Variants in CDCP1 observed in about 807,000 individuals in gnomAD.
CDCP1 encodes CUB domain containing protein 1.
Under a neutral mutation model 60.2 loss-of-function variants are expected in CDCP1, and 29 were observed. The observed-to-expected ratio is 0.48, with a 90% confidence interval of 0.36 to 0.66. The LOEUF (loss-of-function observed/expected upper bound fraction) is 0.66. CDCP1 is among the 30% of genes least tolerant of loss of function. The pLI is 0.00. For missense variants in CDCP1, 876 were observed against 1,074.3 expected (o/e 0.82, Z 2.58); for synonymous variants, 387 against 431.1 (o/e 0.90, Z 1.27).
Position 45,146,225 on chromosome 3 carries a change from C to G in CDCP1, c.63G>C (p.Ala21=), listed in dbSNP as rs111913296. 1 of 1,596,500 alleles carries G rather than the reference C, an allele frequency of 6.3e-7. No individual in the cohort carries two copies. The highest frequency in any genetic ancestry group is 8.5e-7 in the Non-Finnish European group (1 of 1,173,762). Residue 21 remains alanine (A), a synonymous_variant, in exon 1 of 9, where the codon GCG becomes GCC. Coordinates refer to ENST00000296129, the MANE Select transcript of CDCP1 (RefSeq NM_022842.5). ...ACTCACCTGCCCCGCGCGGCAGGCG[C>G]GCCGCACCCAGCAGCAGAACCCCTA... ...ALLGVLLLGA[A]RLPRGAEAFE...
chr3:45,095,602 T>A, intron 4 of CDCP1, 34 bp from the exon 5 acceptor site: 1 of 1,595,820 alleles, frequency 6.3e-7, no homozygotes, highest in South Asian at 1.1e-5. Context: ...GCATGAAGCA[T>A]GGATCAGCAG....
In CDCP1 at chr3:45,091,478, T is replaced by A; in HGVS notation, c.1688A>T (p.Asn563Ile). The A allele has an allele frequency of 6.2e-7, 1 of 1,610,040 alleles. No homozygotes were observed. Among genetic ancestry groups the A allele is most frequent in the Non-Finnish European group, 8.5e-7 (1 of 1,177,978 alleles). Reference protein sequence around the residue: ...TKSKVYLRTPNWDRGLPSLTS... With the variant: ...TKSKVYLRTPIWDRGLPSLTS... ...GAGGGATGGCAGGCCCCGGTCCCAG[T>A]TGGGGGTCCTCAGGTAGACCTTGCT... Residue 563 changes from asparagine to isoleucine, a missense_variant, in exon 7 of 9, where the codon AAC (asparagine) becomes ATC (isoleucine). By Grantham distance (149) the Asn-to-Ile change is moderately radical. Transcript: ENST00000296129. The surrounding 1 kb of genome is among the most constrained non-coding windows in gnomAD (Gnocchi z 4.8).
chr3:45,108,951 A>ATTTTT (rs1232293607), intron 4 of CDCP1, among the ~76,000 whole-genome samples: 1 of 25,080 alleles, frequency 4.0e-5, no homozygotes, highest in Non-Finnish European at 8.4e-5. Flanking sequence ...ATATATATAT[A>ATTTTT]TATTTTTTTT....
chr3:45,144,743 G>A (rs1029331754), intron 1 of CDCP1, among the ~76,000 whole-genome samples: 1 of 152,174 alleles, frequency 6.6e-6, no homozygotes, highest in African/African-American at 2.4e-5. Flanking sequence ...TGGTAGGCAC[G>A]CATTTTTCTC....
At chr3:45,105,553 T>C (rs548445007) in intron 4 of CDCP1, among the ~76,000 whole-genome samples, 1 of 152,236 alleles carries the variant, frequency 6.6e-6, no homozygotes, top group African/African-American at 2.4e-5. Context: ...CCATGGGTTT[T>C]GAAGATAATA....
intron 1 of CDCP1, among the ~76,000 whole-genome samples, chr3:45,143,911 C>T (rs1358728508): frequency 2.0e-5 from 3 of 152,120 alleles, no homozygotes; most frequent in Admixed American, 2.0e-4. Flanking sequence ...TCATTTGAAT[C>T]GGAAACAGAA....
Position 45,095,404 on chromosome 3 carries a change from T to C in CDCP1, c.1189A>G (p.Ile397Val). 7 of 1,614,016 alleles carry C rather than the reference T, an allele frequency of 4.3e-6. No individual in the cohort carries two copies. Among genetic ancestry groups the C allele is most frequent in the Non-Finnish European group, 5.9e-6 (7 of 1,180,000 alleles). ...GTCAGATCATCACAAAGGAAGGAGATTTTGTGTTTGGAGCCAGATGTCAGG... is the reference window on the plus strand; with the variant it reads ...GTCAGATCATCACAAAGGAAGGAGACTTTGTGTTTGGAGCCAGATGTCAGG... ...LTLTSGSKHK[I>V]SFLCDDLTRL... is the part of the protein sequence containing the mutation. Residue 397 changes from isoleucine (I) to valine (V), a missense_variant, in exon 5 of 9, where the codon ATC becomes GTC. By Grantham distance (29) the Ile-to-Val change is conservative. Transcript: ENST00000296129.
intron 1 of CDCP1, among the ~76,000 whole-genome samples, chr3:45,123,262 C>T (rs1241210528): frequency 1.3e-5 from 2 of 152,124 alleles, no homozygotes; most frequent in African/African-American, 4.8e-5. Context: ...TGTTTCTTTG[C>T]CCTGGCTGAG....
At chr3:45,087,429 T>A (rs1698214531) in intron 8 of CDCP1, among the ~76,000 whole-genome samples, 2 of 152,166 alleles carry the variant, frequency 1.3e-5, no homozygotes, top group Non-Finnish European at 2.9e-5. Context: ...TGGATCTCGT[T>A]CCTTGTCCAA....
At chr3:45,122,103 A>G (rs1179416070) in intron 1 of CDCP1, among the ~76,000 whole-genome samples, 1 of 150,904 alleles carries the variant, frequency 6.6e-6, no homozygotes, top group Non-Finnish European at 1.5e-5. Context: ...ATGGCAAGGT[A>G]TTCTTTTATA....
chr3:45,093,226 A>C (rs1280832393), intron 6 of CDCP1, 51 bp downstream of exon 6: 4 of 1,555,526 alleles, frequency 2.6e-6, no homozygotes, highest in Middle Eastern at 1.7e-4. Flanking sequence ...AACTAAAATC[A>C]AATAAACGCT....
intron 4 of CDCP1, among the ~76,000 whole-genome samples, chr3:45,100,052 C>T (rs1007354266): frequency 1.5e-4 from 23 of 152,202 alleles, no homozygotes; most frequent in African/African-American, 5.6e-4. Context: ...GGCACTAATG[C>T]TATTTGGAAT....
At chr3:45,121,453 C>A (rs963357763) in intron 1 of CDCP1, among the ~76,000 whole-genome samples, 35 of 152,176 alleles carry the variant, frequency 2.3e-4, no homozygotes, top group African/African-American at 7.7e-4. Flanking sequence ...AAAAAAAATT[C>A]TTGGAGCCCT....
rs4683039 is a variant in CDCP1 at position 45,084,358 on chromosome 3, T to C, written c.*1280A>G. 0.94 allele frequency: 142,537 copies of C among 152,266 alleles called. 67,422 individuals are homozygous for C. The highest frequency in any genetic ancestry group is 1 in the East Asian group (5,174 of 5,174). 9.4% of individuals were successfully genotyped at this position (152,266 alleles called of 1,614,324 possible). A position where few individuals can be genotyped will look rare whatever the true frequency, so the allele number is the denominator to read the frequency against. ...CAGAATAACAGCACCCCAAAGATGT[T>C]CTGGTCCTAATCCCCACCTGTGGCT... On this transcript the variant is annotated 3_prime_UTR_variant, in exon 9 of 9. Transcript: ENST00000296129.
At chr3:45,124,906 GCGAGTGTTGAA>G (rs1247503011) in intron 1 of CDCP1, among the ~76,000 whole-genome samples, 2 of 152,162 alleles carry the variant, frequency 1.3e-5, no homozygotes, top group Non-Finnish European at 2.9e-5. Flanking sequence ...CCTGCAGGGA[GCGAGTGTTGAA>G]TTCACACACA....
At chr3:45,086,174 G>T in intron 8 of CDCP1, 107 bp from the exon 9 acceptor site, 1 of 954,948 alleles carries the variant, frequency 1.0e-6, no homozygotes, top group Non-Finnish European at 1.6e-6. Context: ...TTCTGACCAT[G>T]TCTCCCCCAA....
chr3:45,117,593 ACTT>A (rs1465752879), intron 2 of CDCP1, among the ~76,000 whole-genome samples: 1 of 144,816 alleles, frequency 6.9e-6, no homozygotes, highest in East Asian at 2.0e-4. Context: ...TATCTCCTCA[ACTT>A]CTTTTTTTTT....
chr3:45,085,815 G>A lies in CDCP1; in HGVS notation c.2334C>T (p.Thr778=). 1 of 1,614,140 alleles carries A rather than the reference G, an allele frequency of 6.2e-7. No individual in the cohort carries two copies. Among genetic ancestry groups the A allele is most frequent in the Non-Finnish European group, 8.5e-7 (1 of 1,180,020 alleles). The change falls in exon 9 of 9, where the codon ACC becomes ACT. Residue 778 remains threonine, a synonymous_variant. Coordinates refer to ENST00000296129, the MANE Select transcript of CDCP1 (RefSeq NM_022842.5). The surrounding 1 kb of genome is among the most constrained non-coding windows in gnomAD (Gnocchi z 4.2). ...TTGCAGTTGGGGCCCTGGAGCATAT[G>A]GTGGGTGGGGAGGGAGGACAGACCC... The part of the protein sequence containing the change: ...TMGVCPPSPP[T]ICSRAPTAKL...
chr3:45,105,163 C>A (rs1479420638), intron 4 of CDCP1, among the ~76,000 whole-genome samples: 1 of 152,130 alleles, frequency 6.6e-6, no homozygotes, highest in Non-Finnish European at 1.5e-5. Context: ...ACACTGGGGA[C>A]CTTTGAAGGG....
Sources: allele counts gnomAD v4.1 joint callset (sites outside exome capture counted in the v4.1 genomes callset), GRCh38; gene constraint gnomAD v4.1.1; non-coding constraint Gnocchi (gnomAD v3.1); transcripts MANE v1.5; gene names NCBI Gene and HGNC (gene_info 2026-07-23, HGNC 2026-07-21).